TMC1: variants seen among roughly 807,000 people sequenced by gnomAD.
The protein encoded by TMC1 is transmembrane channel like 1, also known as transmembrane channel-like protein 1.
TMC1 carries 84 observed loss-of-function variants against 105.8 expected under a neutral mutation model. The ratio of observed to expected loss-of-function variants is 0.79; its 90% CI spans 0.67 to 0.95. The LOEUF is 0.95. Ranked by LOEUF, TMC1 falls within the 40% of genes least tolerant of loss-of-function variation. The pLI is 0.00. For missense variants in TMC1, 817 were observed against 914.1 expected, an observed-to-expected ratio of 0.89 and a Z score of 1.37; for synonymous variants, 315 against 311.5, an observed-to-expected ratio of 1.01 and a Z score of -0.12.
Position 72,548,241 on chromosome 9 carries a change from A to G in TMC1, c.-428+26328A>G, listed in dbSNP as rs547128760. Reference sequence around the variant, plus strand: ...CAGTATTTATTAAAGGATAAGTAAAAAGAAATGTGTTAATTTATAGTGTAT... The same window carrying G: ...CAGTATTTATTAAAGGATAAGTAAAGAGAAATGTGTTAATTTATAGTGTAT... On this transcript the variant is annotated intron_variant, in intron 1 of 23. Transcript: ENST00000297784. 7.9e-5 allele frequency among the ~76,000 whole-genome samples: 12 copies of G among 152,316 alleles called. No individual in the cohort carries two copies. The South Asian group carries it at 2.5e-3, about 32-fold the overall frequency.
In TMC1 at chr9:72,806,757, G is replaced by A. The variant is rs541810855; in HGVS notation, c.1695+1247G>A. Among the ~76,000 whole-genome samples the A allele has an allele frequency of 3.5e-4, 53 of 151,464 alleles. 1 individual carries two copies. Among genetic ancestry groups the A allele is most frequent in the African/African-American group, 1.2e-3 (51 of 41,202 alleles). On this transcript the variant is annotated intron_variant, in intron 18 of 23. Transcript: ENST00000297784. ...TTCCTAGGTGGGATGGCGGCCGGGC[G>A]GAGACGCTCCTCACTTTCCAGACTG... is the stretch of plus-strand genomic sequence containing the variant.
rs752117955 is a variant in TMC1, at chr9:72,826,927, T to C, written c.2062T>C (p.Trp688Arg). Residue 688 changes from tryptophan (W) to arginine (R), a missense_variant, in exon 21 of 24, where the codon TGG (tryptophan) becomes CGG (arginine). Coordinates refer to ENST00000297784, the MANE Select transcript of TMC1 (RefSeq NM_138691.3). ...GACCCTGGAGCACGATTTCCCAAGC[T>C]GGATGGCGAAGATCTTGAGACAGCT... ...GETLEHDFPS[W>R]MAKILRQLSN... 10 of 1,614,032 alleles carry C rather than the reference T, an allele frequency of 6.2e-6. 1 individual carries two copies. The highest frequency in any genetic ancestry group is 8.5e-6 in the Non-Finnish European group (10 of 1,179,986).
chr9:72,578,265 CGTGTGTGTGTGTGTGTGTGTGTGT>C (rs67476636), intron 2 of TMC1: 20,238 of 147,758 alleles, frequency 0.14, 1,871 homozygotes, highest in African/African-American at 0.25. Flanking sequence ...CGCGCGCACG[CGTGTGTGTGTGTGTGTGTGTGTGT>C]GTGTGTGTGT....
chr9:72,663,584 G>T (rs1035215326), intron 5 of TMC1, among the ~76,000 whole-genome samples: 3 of 152,118 alleles, frequency 2.0e-5, no homozygotes, highest in East Asian at 1.9e-4. Flanking sequence ...GAAACAAGAT[G>T]GAATCTGTTA....
chr9:72,667,268 G>A (rs1256251851), intron 5 of TMC1, among the ~76,000 whole-genome samples: 1 of 152,086 alleles, frequency 6.6e-6, no homozygotes, highest in African/African-American at 2.4e-5. Context: ...TGACTTTCGG[G>A]TTCAGTGAAT....
chr9:72,607,002 T>TATATAGAGAGAGAGAGAGAGAG lies in TMC1; in HGVS notation c.-305-9365_-305-9364insTATAGAGAGAGAGAGAGAGAGA, dbSNP rs372785242. Among the ~76,000 whole-genome samples the TATATAGAGAGAGAGAGAGAGAG allele has an allele frequency of 2.6e-3, 345 of 134,914 alleles. 2 individuals are homozygous for TATATAGAGAGAGAGAGAGAGAG. Among genetic ancestry groups the TATATAGAGAGAGAGAGAGAGAG allele is most frequent in the Non-Finnish European group, 3.6e-3 (231 of 63,560 alleles). 88.5% of individuals were successfully genotyped at this position (134,914 alleles called of 152,430 possible). On this transcript the variant is annotated intron_variant, in intron 2 of 23. Coordinates refer to ENST00000297784, the MANE Select transcript of TMC1 (RefSeq NM_138691.3). Reference sequence around the variant, plus strand: ...GTGTGCATATATATATATATATATATAGAGAGAGAGAGAGAGAGAGAGAGA... The same window carrying TATATAGAGAGAGAGAGAGAGAG: ...GTGTGCATATATATATATATATATATATATAGAGAGAGAGAGAGAGAGAGAGAGAGAGAGAGAGAGAGAGAGA...
chr9:72,543,721 A>G (rs1823716446), intron 1 of TMC1, among the ~76,000 whole-genome samples: 1 of 152,118 alleles, frequency 6.6e-6, no homozygotes, highest in Non-Finnish European at 1.5e-5. Context: ...CCATATATAT[A>G]TAAAGTTTGA....
At chr9:72,618,583 TATAA>T (rs1825186288) in intron 3 of TMC1, among the ~76,000 whole-genome samples, 1 of 152,114 alleles carries the variant, frequency 6.6e-6, no homozygotes, top group Non-Finnish European at 1.5e-5. Context: ...ATAAGCAAGA[TATAA>T]ATAAAGTTAA....
intron 17 of TMC1, among the ~76,000 whole-genome samples, chr9:72,792,932 C>T (rs1828299699): frequency 6.6e-6 from 1 of 152,098 alleles, no homozygotes; most frequent in Admixed American, 6.6e-5. Context: ...AGGGTGACAG[C>T]CCACCTGGTA....
At chr9:72,722,231 G>A (rs1827038730) in intron 8 of TMC1, among the ~76,000 whole-genome samples, 1 of 152,104 alleles carries the variant, frequency 6.6e-6, no homozygotes, top group Non-Finnish European at 1.5e-5. Context: ...TAACTGTGAG[G>A]GTGGATTAAA....
chr9:72,794,629 ATTCAAT>A (rs1426466094), intron 17 of TMC1, among the ~76,000 whole-genome samples: 1 of 152,242 alleles, frequency 6.6e-6, no homozygotes, highest in Non-Finnish European at 1.5e-5. Flanking sequence ...TATTGACTGT[ATTCAAT>A]CTACATTGCA....
chr9:72,587,116 A>G (rs1048355628), intron 2 of TMC1, among the ~76,000 whole-genome samples: 1 of 151,972 alleles, frequency 6.6e-6, no homozygotes, highest in Non-Finnish European at 1.5e-5. Context: ...GGCCCAAAAT[A>G]TCAGTAGTGC....
At chr9:72,711,073 C>T (rs374682378) in intron 8 of TMC1, among the ~76,000 whole-genome samples, 5 of 152,170 alleles carry the variant, frequency 3.3e-5, no homozygotes, top group African/African-American at 7.2e-5. Flanking sequence ...CAGCTTCATC[C>T]GTGTCCCTGC....
intron 10 of TMC1, 117 bp downstream of exon 10, chr9:72,742,642 A>G: frequency 2.3e-6 from 2 of 864,590 alleles, no homozygotes; most frequent in East Asian, 2.6e-5. Context: ...AAACAAACAA[A>G]CAAACAAAAA....
At chr9:72,625,753 A>T (rs1825336962) in intron 3 of TMC1, among the ~76,000 whole-genome samples, 1 of 152,046 alleles carries the variant, frequency 6.6e-6, no homozygotes, top group Non-Finnish European at 1.5e-5. Context: ...CTCTCAGAAA[A>T]TGGGAGTAAT....
intron 1 of TMC1, among the ~76,000 whole-genome samples, chr9:72,523,635 G>A (rs988902140): frequency 7.4e-6 from 1 of 134,642 alleles, no homozygotes; most frequent in Non-Finnish European, 1.5e-5. Context: ...GGAGGAGGGG[G>A]AGAGAGAAGA....
intron 2 of TMC1, among the ~76,000 whole-genome samples, chr9:72,613,942 C>T (rs1032136807): frequency 2.0e-5 from 3 of 152,070 alleles, no homozygotes; most frequent in African/African-American, 7.2e-5. Flanking sequence ...TTATATTCTT[C>T]TGGGGCTCTA....
intron 8 of TMC1, among the ~76,000 whole-genome samples, chr9:72,739,149 G>A (rs760086798): frequency 9.9e-5 from 15 of 152,166 alleles, no homozygotes; most frequent in Non-Finnish European, 1.5e-4. Context: ...CAGCATGGTC[G>A]GGCTCTGGCA....
intron 5 of TMC1, among the ~76,000 whole-genome samples, chr9:72,666,295 CT>C (rs1826041643): frequency 6.6e-6 from 1 of 151,736 alleles, no homozygotes; most frequent in Non-Finnish European, 1.5e-5. Context: ...AGAAAAAGTG[CT>C]TTAATATTCA....
Sources: gnomAD v4.1 joint callset for allele counts (sites outside exome capture counted in the v4.1 genomes callset) on GRCh38, gnomAD v4.1.1 for gene constraint, MANE v1.5 for transcripts, NCBI Gene and HGNC (gene_info 2026-07-23, HGNC 2026-07-21) for gene names.